TOPBP1: variants seen among roughly 807,000 people sequenced by gnomAD.
TOPBP1 encodes the protein DNA topoisomerase II binding protein 1, also known as DNA topoisomerase 2-binding protein 1.
A neutral mutation model predicts 167.7 loss-of-function variants in TOPBP1; 28 were observed. That is an observed-to-expected ratio of 0.17 (90% CI 0.12 to 0.23). The LOEUF is 0.23. TOPBP1 is among the 10% of genes least tolerant of loss of function. TOPBP1 has a pLI of 1.00. For synonymous variants in TOPBP1, 598 were observed against 611.4 expected, an observed-to-expected ratio of 0.98 and a Z score of 0.32; for missense variants, 1,554 against 1,809.6, an observed-to-expected ratio of 0.86 and a Z score of 2.56.
At chr3:133,631,575 G>A (rs1449436705) in intron 14 of TOPBP1, among the ~76,000 whole-genome samples, 2 of 152,154 alleles carry the variant, frequency 1.3e-5, no homozygotes, top group Admixed American at 6.5e-5. Flanking sequence ...TGATGGAGGA[G>A]GAGCCTGGTG....
At chr3:133,656,006 G>A (rs1037643582) in intron 5 of TOPBP1, among the ~76,000 whole-genome samples, 6 of 151,640 alleles carry the variant, frequency 4.0e-5, no homozygotes, top group Admixed American at 2.0e-4. Flanking sequence ...GGATGGTGTT[G>A]AAAACAAGCC....
chr3:133,631,478 G>A (rs1935476397), intron 14 of TOPBP1, among the ~76,000 whole-genome samples: 1 of 152,000 alleles, frequency 6.6e-6, no homozygotes. Flanking sequence ...GTTTCTGCTT[G>A]CATTTTTTTC....
At chr3:133,621,302 C>T (rs548826756) in intron 19 of TOPBP1, among the ~76,000 whole-genome samples, 3 of 152,238 alleles carry the variant, frequency 2.0e-5, no homozygotes, top group East Asian at 3.9e-4. Context: ...TGTGAGCCAC[C>T]GTGCCCAGAC....
chr3:133,614,479 G>C (rs1934793943), intron 23 of TOPBP1, among the ~76,000 whole-genome samples: 1 of 152,008 alleles, frequency 6.6e-6, no homozygotes, highest in Admixed American at 6.6e-5. Flanking sequence ...TAAAATGAAG[G>C]ATTGGGCATA....
chr3:133,611,302 G>A (rs1934667249), intron 24 of TOPBP1, among the ~76,000 whole-genome samples, 161 bp from the exon 25 acceptor site: 1 of 152,176 alleles, frequency 6.6e-6, no homozygotes, highest in Non-Finnish European at 1.5e-5. Flanking sequence ...TTATGAGCAT[G>A]GAGGAAATGT....
At chr3:133,653,876 C>T (rs1936387908) in intron 6 of TOPBP1, among the ~76,000 whole-genome samples, 1 of 152,124 alleles carries the variant, frequency 6.6e-6, no homozygotes, top group Non-Finnish European at 1.5e-5. Context: ...AGGTGATTCG[C>T]CTGCCTTGGC....
chr3:133,635,392 A>G (rs1935632078), intron 14 of TOPBP1, among the ~76,000 whole-genome samples: 1 of 152,098 alleles, frequency 6.6e-6, no homozygotes, highest in Non-Finnish European at 1.5e-5. Flanking sequence ...TTCTAGGACT[A>G]TAGGTGCACT....
intron 2 of TOPBP1, 139 bp from the exon 3 acceptor site, chr3:133,659,289 C>T (rs1446392153): frequency 2.5e-6 from 2 of 808,798 alleles, no homozygotes; most frequent in African/African-American, 3.5e-5. Context: ...CAGAAGGCTC[C>T]CAAGTGGTCT....
chr3:133,636,819 A>G (rs1310007030), intron 14 of TOPBP1, among the ~76,000 whole-genome samples: 1 of 152,202 alleles, frequency 6.6e-6, no homozygotes, highest in African/African-American at 2.4e-5. Context: ...GCTTGATCCT[A>G]CACCTCACAG....
At position 133,620,172 on chromosome 3, in the gene TOPBP1, T is replaced by C; in HGVS notation, c.3354A>G (p.Arg1118=). The C allele has an allele frequency of 6.2e-7, 1 of 1,613,478 alleles. No individual in the cohort carries two copies. Among genetic ancestry groups the C allele is most frequent in the South Asian group, 1.1e-5 (1 of 90,956 alleles). ...GTACACACCTCAGTGCCTCTAGGAC[T>C]CTACTTCGTCCACTGCGAGCAGAGC... ...STRSARSGRS[R]VLEALRQSRQ... The change falls in exon 20 of 28, where the codon AGA becomes AGG. Residue 1118 remains arginine, a synonymous_variant. Coordinates refer to ENST00000260810, the MANE Select transcript of TOPBP1 (RefSeq NM_007027.4).
intron 10 of TOPBP1, among the ~76,000 whole-genome samples, chr3:133,647,332 T>C (rs1417287769): frequency 1.3e-5 from 2 of 152,168 alleles, no homozygotes; most frequent in Admixed American, 6.5e-5. Flanking sequence ...ATATTGAGTT[T>C]GTAAACTCCT....
chr3:133,641,269 T>G (rs1376950432), intron 12 of TOPBP1, among the ~76,000 whole-genome samples: 1 of 152,208 alleles, frequency 6.6e-6, no homozygotes, highest in East Asian at 1.9e-4. Context: ...AAATTCCTTT[T>G]TACATTTGGG....
rs547324348 is a variant in TOPBP1, at chr3:133,628,749, A to G, written c.2521-16T>C. On this transcript the variant is annotated splice_polypyrimidine_tract_variant and intron_variant, in intron 14 of 27. Coordinates refer to ENST00000260810, the MANE Select transcript of TOPBP1 (RefSeq NM_007027.4). ...CAAGTGCATCCTATACATATGAAGG[A>G]GAGAGAGAGATGGAGAAAAGAAGAG... is the stretch of plus-strand genomic sequence containing the variant. 19 of 1,540,836 alleles carry G rather than the reference A, an allele frequency of 1.2e-5. No homozygotes were observed. In the East Asian group the frequency reaches 4.4e-4, roughly 36 times the overall value.
intron 5 of TOPBP1, among the ~76,000 whole-genome samples, chr3:133,655,958 T>C (rs1936465307): frequency 1.3e-5 from 2 of 151,980 alleles, no homozygotes; most frequent in Admixed American, 1.3e-4. Context: ...ACATTGGGAA[T>C]GAGAGTTGCT....
At chr3:133,610,979 T>C in intron 25 of TOPBP1, 25 bp downstream of exon 25, 9 of 1,586,404 alleles carry the variant, frequency 5.7e-6, no homozygotes, top group Non-Finnish European at 7.7e-6. Flanking sequence ...CTATTTGTAT[T>C]ACCTATATAA....
intron 13 of TOPBP1, among the ~76,000 whole-genome samples, chr3:133,638,847 T>C (rs978884497): frequency 6.6e-6 from 1 of 152,206 alleles, no homozygotes; most frequent in South Asian, 2.1e-4. Context: ...GTGTTAGACA[T>C]GGGAAATACA....
At chr3:133,632,485 C>T (rs911490725) in intron 14 of TOPBP1, among the ~76,000 whole-genome samples, 2 of 152,154 alleles carry the variant, frequency 1.3e-5, no homozygotes, top group Non-Finnish European at 2.9e-5. Context: ...GATTAATACA[C>T]CTTTATAGAT....
At chr3:133,622,574 T>C (rs1935129137) in intron 19 of TOPBP1, among the ~76,000 whole-genome samples, 1 of 152,002 alleles carries the variant, frequency 6.6e-6, no homozygotes, top group Non-Finnish European at 1.5e-5. Context: ...GAAGGATACA[T>C]AAGGAACTAA....
At chr3:133,642,229 T>C (rs1381297952) in intron 12 of TOPBP1, among the ~76,000 whole-genome samples, 1 of 152,062 alleles carries the variant, frequency 6.6e-6, no homozygotes, top group African/African-American at 2.4e-5. Flanking sequence ...ACTCCTGAGC[T>C]CAAGCAATCT....
Sources: allele counts gnomAD v4.1 joint callset (sites outside exome capture counted in the v4.1 genomes callset), GRCh38; gene constraint gnomAD v4.1.1; transcripts MANE v1.5; gene names NCBI Gene and HGNC (gene_info 2026-07-23, HGNC 2026-07-21).